MYOM1: variants seen among roughly 807,000 people sequenced by gnomAD.
The protein encoded by MYOM1 is myomesin 1, also known as myomesin-1.
A neutral mutation model predicts 205.3 loss-of-function variants in MYOM1; 164 were observed. That is an observed-to-expected ratio of 0.80 (90% CI 0.70 to 0.91). The LOEUF is 0.91. MYOM1 is among the 40% of genes least tolerant of loss of function. The probability of loss-of-function intolerance (pLI) is 0.00; values close to 1 mark genes in which losing one functional copy is unlikely to be tolerated. For synonymous variants in MYOM1, 772 were observed against 789.4 expected (o/e 0.98, Z 0.37); for missense variants, 2,011 against 2,127.3 (o/e 0.95, Z 1.08).
chr18:3,181,019 C>T (rs529815924), intron 5 of MYOM1, among the ~76,000 whole-genome samples: 3 of 152,032 alleles, frequency 2.0e-5, no homozygotes, highest in East Asian at 1.9e-4. Flanking sequence ...CTCCGCCTTC[C>T]GGGTTCAAGT....
intron 34 of MYOM1, among the ~76,000 whole-genome samples, chr18:3,078,910 C>T (rs1384369188): frequency 1.3e-5 from 2 of 149,682 alleles, no homozygotes; most frequent in East Asian, 2.0e-4. Flanking sequence ...CTCCTGGGCT[C>T]AACTGATTCT....
intron 14 of MYOM1, among the ~76,000 whole-genome samples, chr18:3,138,165 A>G (rs1287981808): frequency 6.6e-6 from 1 of 152,162 alleles, no homozygotes; most frequent in African/African-American, 2.4e-5. Context: ...ATTCCCTCCT[A>G]TTTTAATTTC....
rs1330568606 is a variant in MYOM1, at chr18:3,089,598, T to G, written c.4010-2A>C. ...CTTCTTTCTGGAGCTTTTTGAAAAC[T>G]ACAAATTGAAAAACAAGGAAGTGTG... On this transcript the variant is annotated splice_acceptor_variant, in intron 27 of 37. Coordinates refer to ENST00000356443, the MANE Select transcript of MYOM1 (RefSeq NM_003803.4). LOFTEE classifies it high-confidence loss of function. The G allele has an allele frequency of 1.9e-6, 3 of 1,604,830 alleles. No individual in the cohort carries two copies. The highest frequency in any genetic ancestry group is 2.6e-6 in the Non-Finnish European group (3 of 1,175,676).
At chr18:3,153,609 CA>C (rs1321602632) in intron 11 of MYOM1, among the ~76,000 whole-genome samples, 25 of 152,290 alleles carry the variant, frequency 1.6e-4, no homozygotes, top group Non-Finnish European at 3.2e-4. Context: ...TAAACCTTCA[CA>C]ATTCATCACT....
In MYOM1 at chr18:3,129,299, C is replaced by T. The variant is rs72860212; in HGVS notation, c.2727G>A (p.Pro909=). 2.6e-3 allele frequency: 4,216 copies of T among 1,613,930 alleles called. 9 individuals carry two copies. The highest frequency in any genetic ancestry group is 3.2e-3 in the Non-Finnish European group (3,756 of 1,179,866). The stretch of plus-strand genomic sequence containing the variant: ...CCTGAGGAGCCGCTTTCTGTGGTGG[C>T]GGGGTAAGCTCTTCCTGAACTGTTT... ...VSETVQEELT[P]PPQKAAPQGK... The change falls in exon 18 of 38, where the codon CCG becomes CCA. Residue 909 remains proline (P), a synonymous_variant. Coordinates refer to ENST00000356443, the MANE Select transcript of MYOM1 (RefSeq NM_003803.4).
chr18:3,225,323 T>G, the MYOM1 span, among the ~76,000 whole-genome samples: 2 of 152,214 alleles, frequency 1.3e-5, no homozygotes, highest in Admixed American at 6.5e-5. Context: ...TCGCCCATAC[T>G]TCTCTCTCTT....
chr18:3,207,215 C>G (rs1462914477), intron 2 of MYOM1, among the ~76,000 whole-genome samples: 1 of 152,142 alleles, frequency 6.6e-6, no homozygotes, highest in Non-Finnish European at 1.5e-5. Context: ...ATGTGTAAAA[C>G]TCTGAGAGAA....
intron 2 of MYOM1, among the ~76,000 whole-genome samples, chr18:3,213,628 G>C (rs781497403): frequency 1.3e-5 from 2 of 152,118 alleles, no homozygotes; most frequent in Non-Finnish European, 2.9e-5. Flanking sequence ...TTTCTCCCAG[G>C]GACGTTGCTG....
chr18:3,203,037 T>G (rs2081086171), intron 2 of MYOM1, among the ~76,000 whole-genome samples: 1 of 151,768 alleles, frequency 6.6e-6, no homozygotes. Context: ...CAACATACTT[T>G]TAAATAACCT....
rs374330574 is a variant in MYOM1 at position 3,106,658 on chromosome 18, C to CA, written c.3419-4029dup. ...GCAACAAAATGAGACTCTGTATCTACAAAAAAAATTTTTAATTAGTGGGAT... is the reference window on the plus strand; with the variant it reads ...GCAACAAAATGAGACTCTGTATCTACAAAAAAAAATTTTTAATTAGTGGGAT... On this transcript the variant is annotated intron_variant, in intron 22 of 37. Transcript: ENST00000356443. Among the ~76,000 whole-genome samples, 8 of 152,016 alleles carry CA rather than the reference C, an allele frequency of 5.3e-5. No individual in the cohort carries two copies. The East Asian group carries it at 1.4e-3, about 26-fold the overall frequency.
rs1248960388 is a variant in MYOM1, at chr18:3,112,341, C to T, written c.3375G>A (p.Lys1125=). The change falls in exon 22 of 38, where the codon AAG becomes AAA. Residue 1125 remains lysine (K), a synonymous_variant. Transcript: ENST00000356443. ...VRAINQAGVG[K]PSDLAGPVVA... ...CAACAGGGCCAGCAAGGTCAGATGG[C>T]TTCCCAACTCCCGCCTGGTTTATGG... is the stretch of plus-strand genomic sequence containing the variant. 5 of 1,612,948 alleles carry T rather than the reference C, an allele frequency of 3.1e-6. No homozygotes were observed. The highest frequency in any genetic ancestry group is 3.4e-6 in the Non-Finnish European group (4 of 1,179,110).
At chr18:3,116,187 C>T in intron 21 of MYOM1, 144 bp downstream of exon 21, 1 of 825,964 alleles carries the variant, frequency 1.2e-6, no homozygotes, top group Non-Finnish European at 1.8e-6. Flanking sequence ...CTCCCAGCCC[C>T]AACCTCTGCC....
the MYOM1 span, among the ~76,000 whole-genome samples, chr18:3,241,582 C>T: frequency 6.6e-6 from 1 of 152,228 alleles, no homozygotes; most frequent in South Asian, 2.1e-4. Context: ...CATGGAGAAC[C>T]TCTGCTAGGG....
intron 6 of MYOM1, among the ~76,000 whole-genome samples, chr18:3,174,590 G>A (rs150914540): frequency 2.6e-5 from 4 of 152,306 alleles, no homozygotes; most frequent in Non-Finnish European, 5.9e-5. Context: ...AAATGTGCAG[G>A]CGTGTACCTT....
At chr18:3,141,828 G>A in intron 14 of MYOM1, 111 bp downstream of exon 14, 1 of 1,331,012 alleles carries the variant, frequency 7.5e-7, no homozygotes, top group Non-Finnish European at 1.1e-6. Flanking sequence ...GTGAGATCAG[G>A]ACATGCTCCC....
At chr18:3,155,419 T>A (rs893207351) in intron 10 of MYOM1, among the ~76,000 whole-genome samples, 2 of 152,074 alleles carry the variant, frequency 1.3e-5, no homozygotes, top group South Asian at 4.1e-4. Flanking sequence ...AGAGATGGGG[T>A]TTCACCGTGT....
chr18:3,162,390 C>T (rs1170363323), intron 10 of MYOM1, among the ~76,000 whole-genome samples: 2 of 152,012 alleles, frequency 1.3e-5, no homozygotes, highest in Non-Finnish European at 2.9e-5. Flanking sequence ...TTTGAACTAG[C>T]CAATCCTAAC....
At chr18:3,184,014 T>A (rs1369711772) in intron 5 of MYOM1, among the ~76,000 whole-genome samples, 1 of 152,138 alleles carries the variant, frequency 6.6e-6, no homozygotes, top group African/African-American at 2.4e-5. Context: ...CAAGTGATTC[T>A]TGTGCCTCAG....
intron 13 of MYOM1, among the ~76,000 whole-genome samples, chr18:3,142,458 T>G (rs1339826650): frequency 6.6e-6 from 1 of 151,826 alleles, no homozygotes; most frequent in East Asian, 1.9e-4. Flanking sequence ...TTTTGTAGAG[T>G]TGAGGACTCC....
Sources: allele counts gnomAD v4.1 joint callset (sites outside exome capture counted in the v4.1 genomes callset), GRCh38; gene constraint gnomAD v4.1.1; transcripts MANE v1.5; gene names NCBI Gene and HGNC (gene_info 2026-07-23, HGNC 2026-07-21).